ASAP1: variants seen among roughly 807,000 people sequenced by gnomAD.
ASAP1 encodes arf-GAP with SH3 domain, ANK repeat and PH domain-containing protein 1.
ASAP1 carries 43 observed loss-of-function variants against 145.2 expected under a neutral mutation model. That is an observed-to-expected ratio of 0.30 (90% CI 0.23 to 0.38). ASAP1 has a LOEUF of 0.38. Ranked by LOEUF, ASAP1 falls within the 10% of genes least tolerant of loss-of-function variation. The probability of loss-of-function intolerance (pLI) is 1.00; values close to 1 mark genes in which losing one functional copy is unlikely to be tolerated. For synonymous variants in ASAP1, 546 were observed against 515.5 expected (o/e 1.06, Z -0.80); for missense variants, 1,018 against 1,355.3 (o/e 0.75, Z 3.91).
At chr8:130,337,134 C>T (rs1825087069) in intron 3 of ASAP1, among the ~76,000 whole-genome samples, 1 of 152,196 alleles carries the variant, frequency 6.6e-6, no homozygotes, top group Middle Eastern at 3.4e-3. Flanking sequence ...GCATCAACAG[C>T]AAGAAAATAA....
At chr8:130,361,667 C>CA (rs1826714950) in intron 2 of ASAP1, 1 of 1,524,364 alleles carries the variant, frequency 6.6e-7, no homozygotes, top group African/African-American at 1.4e-5. Context: ...CACCTCTACT[C>CA]ACCATTTCTG....
intron 4 of ASAP1, among the ~76,000 whole-genome samples, chr8:130,216,135 C>T (rs951552366): frequency 1.3e-5 from 2 of 152,090 alleles, no homozygotes; most frequent in South Asian, 2.1e-4. Flanking sequence ...CTTGGAAAAA[C>T]AATCTTGGAT....
At chr8:130,354,774 C>T (rs1368149123) in intron 3 of ASAP1, among the ~76,000 whole-genome samples, 1 of 152,224 alleles carries the variant, frequency 6.6e-6, no homozygotes, top group Non-Finnish European at 1.5e-5. Context: ...TCCTGCCTCC[C>T]CAAGGTAGCC....
chr8:130,318,024 T>TA (rs745945128), intron 3 of ASAP1, among the ~76,000 whole-genome samples: 15 of 152,284 alleles, frequency 9.9e-5, no homozygotes, highest in Admixed American at 4.6e-4. Flanking sequence ...CATCCACTGA[T>TA]AGAGAGTTTT....
chr8:130,315,398 G>A (rs1241461964), intron 3 of ASAP1, among the ~76,000 whole-genome samples: 1 of 152,150 alleles, frequency 6.6e-6, no homozygotes, highest in East Asian at 1.9e-4. Flanking sequence ...TGGGTCCCAG[G>A]AAATAAGAGC....
chr8:130,142,551 G>C (rs965173733), intron 13 of ASAP1, among the ~76,000 whole-genome samples: 40 of 152,142 alleles, frequency 2.6e-4, no homozygotes, highest in African/African-American at 9.4e-4. Flanking sequence ...AACATCTGTG[G>C]AAACAGACTT....
At chr8:130,293,721 A>G (rs1586770262) in intron 3 of ASAP1, among the ~76,000 whole-genome samples, 1 of 152,144 alleles carries the variant, frequency 6.6e-6, no homozygotes, top group African/African-American at 2.4e-5. Flanking sequence ...TTCACAAATG[A>G]CCATCTATCT....
chr8:130,328,295 C>T (rs1318005936), intron 3 of ASAP1, among the ~76,000 whole-genome samples: 1 of 152,174 alleles, frequency 6.6e-6, no homozygotes, highest in East Asian at 1.9e-4. Flanking sequence ...AGACCAAAGA[C>T]TATGCTCTTA....
At chr8:130,283,176 T>A (rs777147541) in intron 3 of ASAP1, among the ~76,000 whole-genome samples, 1 of 152,126 alleles carries the variant, frequency 6.6e-6, no homozygotes, top group Non-Finnish European at 1.5e-5. Context: ...AGGAAAAATA[T>A]ATCCACACCA....
At chr8:130,214,790 A>C (rs2136431542) in intron 4 of ASAP1, 89 bp from the exon 5 acceptor site, 103 of 1,115,142 alleles carry the variant, frequency 9.2e-5, no homozygotes, top group Middle Eastern at 2.6e-4. Flanking sequence ...ACGAATTCTC[A>C]AAATGGAAGC....
intron 1 of ASAP1, among the ~76,000 whole-genome samples, chr8:130,423,020 A>G (rs1165287391): frequency 2.0e-5 from 3 of 152,218 alleles, no homozygotes; most frequent in Non-Finnish European, 4.4e-5. Flanking sequence ...CTAGAATCCA[A>G]GTCTATGTAT....
chr8:130,245,457 G>C (rs1439279703), intron 3 of ASAP1, among the ~76,000 whole-genome samples: 1 of 152,048 alleles, frequency 6.6e-6, no homozygotes, highest in Admixed American at 6.6e-5. Context: ...GGCCCCACTT[G>C]ACAAGTTACT....
At chr8:130,141,932 G>A (rs887311421) in intron 13 of ASAP1, among the ~76,000 whole-genome samples, 1 of 151,836 alleles carries the variant, frequency 6.6e-6, no homozygotes, top group Non-Finnish European at 1.5e-5. Flanking sequence ...TGCCCAGGCT[G>A]ATCTTAAACT....
chr8:130,169,373 G>C (rs1365720909), intron 9 of ASAP1, among the ~76,000 whole-genome samples: 3 of 152,174 alleles, frequency 2.0e-5, no homozygotes, highest in African/African-American at 7.2e-5. Context: ...ACGTACATAT[G>C]CATCTATACA....
intron 18 of ASAP1, among the ~76,000 whole-genome samples, chr8:130,122,750 T>C (rs2097568597): frequency 6.6e-6 from 1 of 152,196 alleles, no homozygotes; most frequent in Non-Finnish European, 1.5e-5. Flanking sequence ...ATCACAGACA[T>C]TTTGAAGGTG....
intron 3 of ASAP1, among the ~76,000 whole-genome samples, chr8:130,351,215 G>A (rs184561633): frequency 1.3e-5 from 2 of 152,328 alleles, no homozygotes; most frequent in Non-Finnish European, 2.9e-5. Flanking sequence ...TGGCAGACAG[G>A]AAGCATAAAA....
At position 130,228,329 on chromosome 8, in the gene ASAP1, A is replaced by C. The variant is rs1817704001; in HGVS notation, c.259+8593T>G. Among the ~76,000 whole-genome samples, 3 of 152,126 alleles carry C rather than the reference A, an allele frequency of 2.0e-5. No homozygotes were observed. In the South Asian group the frequency reaches 6.2e-4, roughly 32 times the overall value. On this transcript the variant is annotated intron_variant, in intron 4 of 29. Coordinates refer to ENST00000518721, the MANE Select transcript of ASAP1 (RefSeq NM_018482.4). ...AACTCTGGGAAAAAGCATCACCCTC[A>C]AATGTGGACAAGATAATGAGGGCCA...
intron 3 of ASAP1, among the ~76,000 whole-genome samples, chr8:130,324,019 G>T (rs1303410636): frequency 6.6e-6 from 1 of 152,196 alleles, no homozygotes; most frequent in East Asian, 1.9e-4. Flanking sequence ...TCCTCCAGGG[G>T]CTCAAAATGT....
intron 24 of ASAP1, among the ~76,000 whole-genome samples, chr8:130,095,475 A>C (rs1340216473): frequency 1.3e-5 from 2 of 151,176 alleles, no homozygotes; most frequent in Non-Finnish European, 2.9e-5. Flanking sequence ...TAATTTTTGT[A>C]TTTTTAGTAG....
Sources: allele counts gnomAD v4.1 joint callset (sites outside exome capture counted in the v4.1 genomes callset), GRCh38; gene constraint gnomAD v4.1.1; transcripts MANE v1.5; gene names NCBI Gene and HGNC (gene_info 2026-07-23, HGNC 2026-07-21).